The following RARB variants were observed in gnomAD, a reference collection of about 807,000 sequenced individuals.
RARB encodes the protein retinoic acid receptor beta, also known as HBV-activated protein.
A neutral mutation model predicts 51.9 loss-of-function variants in RARB; 17 were observed. The ratio of observed to expected loss-of-function variants is 0.33; its 90% CI spans 0.22 to 0.49. The LOEUF (loss-of-function observed/expected upper bound fraction) is 0.49. Among genes scored for constraint, RARB ranks in the 20% least tolerant of loss-of-function variants. The pLI, the probability that RARB is intolerant of heterozygous loss-of-function variation, is 0.99. For missense variants in RARB, 369 were observed against 550.8 expected (o/e 0.67, Z 3.30); for synonymous variants, 215 against 195.4 (o/e 1.10, Z -0.84).
intron 5 of RARB, among the ~76,000 whole-genome samples, chr3:25,330,341 G>C (rs1383088459): frequency 6.6e-6 from 1 of 152,224 alleles, no homozygotes; most frequent in Non-Finnish European, 1.5e-5. Context: ...CAAGCCAGAA[G>C]AGAGTGGGGG....
At chr3:25,505,556 T>TC (rs1697541436) in intron 3 of RARB, among the ~76,000 whole-genome samples, 1 of 152,074 alleles carries the variant, frequency 6.6e-6, no homozygotes, top group Non-Finnish European at 1.5e-5. Flanking sequence ...TTTTTTTTTT[T>TC]TCTGTTTTGT....
chr3:25,130,224 CT>C (rs759372236), intron 3 of RARB, among the ~76,000 whole-genome samples: 1 of 152,030 alleles, frequency 6.6e-6, no homozygotes, highest in Non-Finnish European at 1.5e-5. Flanking sequence ...TTACTGAGGA[CT>C]TTTACACATG....
chr3:25,486,497 AC>A (rs1696480036), intron 2 of RARB, among the ~76,000 whole-genome samples: 1 of 152,178 alleles, frequency 6.6e-6, no homozygotes, highest in Admixed American at 6.5e-5. Context: ...GCAACCTTCC[AC>A]CCATCCATGT....
intron 2 of RARB, among the ~76,000 whole-genome samples, chr3:24,966,889 G>C (rs1197370582): frequency 6.6e-6 from 1 of 152,108 alleles, no homozygotes; most frequent in Non-Finnish European, 1.5e-5. Flanking sequence ...CATTTTGACT[G>C]TGTTGAACCA....
At chr3:25,052,453 A>G (rs1454669849) in intron 2 of RARB, among the ~76,000 whole-genome samples, 1 of 152,238 alleles carries the variant, frequency 6.6e-6, no homozygotes, top group South Asian at 2.1e-4. Flanking sequence ...AGTAAATCCC[A>G]TGCAATAATT....
chr3:25,490,988 T>C (rs1304330725), intron 2 of RARB, among the ~76,000 whole-genome samples: 1 of 152,266 alleles, frequency 6.6e-6, no homozygotes, highest in South Asian at 2.1e-4. Flanking sequence ...TAATTCAAAC[T>C]CTTGAGAAGA....
At chr3:25,447,782 A>G (rs1014474908) in intron 1 of RARB, among the ~76,000 whole-genome samples, 1 of 152,094 alleles carries the variant, frequency 6.6e-6, no homozygotes, top group African/African-American at 2.4e-5. Context: ...GAGAGGGAAA[A>G]CTGACATGAC....
At position 25,342,290 on chromosome 3, in the gene RARB, T is replaced by G. The variant is rs1357817084; in HGVS notation, c.179-118903T>G. 5.9e-5 allele frequency among the ~76,000 whole-genome samples: 9 copies of G among 152,226 alleles called. No homozygotes were observed. The East Asian group carries it at 1.7e-3, about 29-fold the overall frequency. ...AAACTCTATGTATAACATTTTTAATTTATAGACTTATTGCAGTATTTCAGC... is the reference window on the plus strand; with the variant it reads ...AAACTCTATGTATAACATTTTTAATGTATAGACTTATTGCAGTATTTCAGC... On this transcript the variant is annotated intron_variant, in intron 5 of 11. Transcript: ENST00000383772.
chr3:25,291,565 T>A (rs1369593664), intron 5 of RARB, among the ~76,000 whole-genome samples: 1 of 144,850 alleles, frequency 6.9e-6, no homozygotes, highest in Admixed American at 7.3e-5. Context: ...AAGAAAAACC[T>A]CTGAGATTGT....
At chr3:25,257,564 T>C (rs954251124) in intron 5 of RARB, among the ~76,000 whole-genome samples, 3 of 152,066 alleles carry the variant, frequency 2.0e-5, no homozygotes, top group African/African-American at 7.2e-5. Context: ...ACATCTAAAA[T>C]AGTCCAGATA....
At chr3:24,861,516 C>A (rs868839353) in intron 2 of RARB, among the ~76,000 whole-genome samples, 1 of 150,342 alleles carries the variant, frequency 6.7e-6, no homozygotes, top group Admixed American at 6.6e-5. Context: ...TGATATTTAC[C>A]ATATTAGGAA....
intron 1 of RARB, among the ~76,000 whole-genome samples, chr3:24,857,529 A>T (rs1224285081): frequency 1.3e-5 from 2 of 152,200 alleles, no homozygotes; most frequent in Admixed American, 6.5e-5. Context: ...TATACTAAAG[A>T]TGTATTTGCT....
chr3:25,156,610 A>G (rs976546552), intron 4 of RARB, among the ~76,000 whole-genome samples: 5 of 152,040 alleles, frequency 3.3e-5, no homozygotes, highest in South Asian at 4.2e-4. Context: ...CACAGAGAAC[A>G]AAACAGTTAT....
At chr3:25,086,942 T>G (rs988507685) in intron 3 of RARB, among the ~76,000 whole-genome samples, 2 of 152,130 alleles carry the variant, frequency 1.3e-5, no homozygotes, top group Non-Finnish European at 2.9e-5. Flanking sequence ...CTTACTTAAT[T>G]CTCTCCTGGA....
At chr3:24,880,269 T>A (rs1421312319) in intron 2 of RARB, among the ~76,000 whole-genome samples, 1 of 151,328 alleles carries the variant, frequency 6.6e-6, no homozygotes, top group African/African-American at 2.4e-5. Context: ...TACCATCACA[T>A]CAGAGAGATG....
intron 5 of RARB, among the ~76,000 whole-genome samples, chr3:25,583,544 C>T (rs562492361): frequency 3.3e-5 from 5 of 152,346 alleles, no homozygotes; most frequent in East Asian, 1.9e-4. Context: ...CAGGAAGATG[C>T]GGTCAGCTGC....
At chr3:25,122,612 A>G (rs1699801914) in intron 3 of RARB, among the ~76,000 whole-genome samples, 1 of 152,128 alleles carries the variant, frequency 6.6e-6, no homozygotes, top group Non-Finnish European at 1.5e-5. Context: ...GAAGGTCCCC[A>G]TCTGGTACTC....
At chr3:25,031,516 G>T (rs549692176) in intron 2 of RARB, among the ~76,000 whole-genome samples, 3 of 151,902 alleles carry the variant, frequency 2.0e-5, no homozygotes, top group African/African-American at 7.3e-5. Context: ...TGCAGAGGTG[G>T]GTGGGTGGTG....
At chr3:25,162,436 C>G (rs1307256301) in intron 4 of RARB, among the ~76,000 whole-genome samples, 8 of 152,112 alleles carry the variant, frequency 5.3e-5, no homozygotes, top group Non-Finnish European at 1.5e-5. Context: ...AGATATAATT[C>G]AAACAACAAC....
Sources: gnomAD v4.1 joint callset for allele counts (sites outside exome capture counted in the v4.1 genomes callset) on GRCh38, gnomAD v4.1.1 for gene constraint, MANE v1.5 for transcripts, NCBI Gene and HGNC (gene_info 2026-07-23, HGNC 2026-07-21) for gene names.